UBE2E1: variants seen among roughly 807,000 people sequenced by gnomAD.
UBE2E1 encodes the protein ubiquitin-conjugating enzyme E2 E1.
In UBE2E1, 6 loss-of-function variants were observed where a neutral mutation model predicts 21.4. The ratio of observed to expected loss-of-function variants is 0.28; its 90% CI spans 0.15 to 0.55. The LOEUF (loss-of-function observed/expected upper bound fraction) is 0.55, where lower values mean the gene tolerates loss of function less well. Among genes scored for constraint, UBE2E1 ranks in the 20% least tolerant of loss-of-function variants. UBE2E1 has a pLI of 0.93. For synonymous variants in UBE2E1, 87 were observed against 82.7 expected (o/e 1.05, Z -0.28); for missense variants, 142 against 236.5 (o/e 0.60, Z 2.62).
intron 3 of UBE2E1, among the ~76,000 whole-genome samples, chr3:23,861,316 G>A (rs983822091): frequency 2.6e-5 from 4 of 152,156 alleles, no homozygotes. Context: ...GCTCTAAGTA[G>A]CTTCTTGTTT....
At chr3:23,839,572 C>T (rs920625081) in intron 3 of UBE2E1, among the ~76,000 whole-genome samples, 2 of 151,932 alleles carry the variant, frequency 1.3e-5, no homozygotes, top group Non-Finnish European at 1.5e-5. Flanking sequence ...TTCAGATATT[C>T]ACTCACTGAC....
Position 23,808,857 on chromosome 3 carries a change from G to A in UBE2E1, c.152+1436G>A, listed in dbSNP as rs1347776246. 1 of 152,106 alleles carries A rather than the reference G, an allele frequency of 6.6e-6. No individual in the cohort carries two copies. The highest frequency in any genetic ancestry group is 1.5e-5 in the Non-Finnish European group (1 of 68,028). The allele number at this position is 152,106 out of a possible 1,614,324, so 9.4% of individuals were successfully genotyped here. Reference sequence around the variant, plus strand: ...TCTAGGCTCTCTGATCCTCATTCACGTTTTGGCCTCACGTGCTCAAGCCAG... The same window carrying A: ...TCTAGGCTCTCTGATCCTCATTCACATTTTGGCCTCACGTGCTCAAGCCAG... On this transcript the variant is annotated intron_variant, in intron 2 of 5. Transcript: ENST00000306627. This position sits in a 1 kb window ranked among gnomAD's most constrained non-coding sequence, Gnocchi z 4.9.
chr3:23,848,014 A>G (rs1320708171), intron 3 of UBE2E1, among the ~76,000 whole-genome samples: 16 of 152,170 alleles, frequency 1.1e-4, no homozygotes, highest in Non-Finnish European at 1.5e-5. Context: ...CACAAATGGT[A>G]ACTTGCTGTA....
intron 3 of UBE2E1, among the ~76,000 whole-genome samples, chr3:23,854,603 G>C (rs1048605238): frequency 6.6e-6 from 1 of 152,170 alleles, no homozygotes; most frequent in African/African-American, 2.4e-5. Context: ...AACAGAAAAA[G>C]CCCTAACTAA....
At chr3:23,814,957 G>A (rs1349781661) in intron 3 of UBE2E1, among the ~76,000 whole-genome samples, 4 of 152,136 alleles carry the variant, frequency 2.6e-5, no homozygotes, top group African/African-American at 9.7e-5. Context: ...AACACTTCAA[G>A]CATGGGTGAG....
chr3:23,879,210 A>G, intron 3 of UBE2E1: 1 of 884,018 alleles, frequency 1.1e-6, no homozygotes, highest in Non-Finnish European at 1.7e-6. Flanking sequence ...CACAACAAAT[A>G]CAATGCCATC....
intron 3 of UBE2E1, among the ~76,000 whole-genome samples, chr3:23,840,593 G>A (rs779319231): frequency 3.9e-5 from 6 of 152,160 alleles, no homozygotes; most frequent in Non-Finnish European, 5.9e-5. Flanking sequence ...TGGCCCATAA[G>A]TTACCAGGGT....
chr3:23,824,691 G>T (rs188088341), intron 3 of UBE2E1, among the ~76,000 whole-genome samples: 2 of 152,310 alleles, frequency 1.3e-5, no homozygotes, highest in Non-Finnish European at 2.9e-5. Flanking sequence ...TTGGATCTCA[G>T]TATACCTAAT....
intron 3 of UBE2E1, among the ~76,000 whole-genome samples, chr3:23,882,663 C>T (rs562925852): frequency 1.2e-4 from 19 of 152,302 alleles, no homozygotes; most frequent in African/African-American, 4.1e-4. Context: ...GCAGGCTGCA[C>T]GTCTCAAGCC....
Position 23,858,366 on chromosome 3 carries a change from C to T in UBE2E1, c.204-29201C>T, listed in dbSNP as rs142163194. On this transcript the variant is annotated intron_variant, in intron 3 of 5. Transcript: ENST00000306627. ...ATGGAGTCTCGCTCTGTCATCCAGG[C>T]TGGAGTGCAATGGCATGATCTCGGC... 7.3e-3 allele frequency among the ~76,000 whole-genome samples: 1,114 copies of T among 152,292 alleles called. 15 individuals carry two copies. Among genetic ancestry groups the T allele is most frequent in the African/African-American group, 0.025 (1,041 of 41,554 alleles).
intron 3 of UBE2E1, among the ~76,000 whole-genome samples, chr3:23,868,621 T>C (rs1700708093): frequency 6.6e-6 from 1 of 152,198 alleles, no homozygotes; most frequent in African/African-American, 2.4e-5. Context: ...TTACTTTCTC[T>C]TATTACTTTA....
rs759418034 is a variant in UBE2E1 at position 23,842,246 on chromosome 3, T to TGTGTGTGTGTGTGTGTGTGTGTG, written c.203+30739_203+30740insTGTGTGTGTGTGTGTGTGTGGTG. On this transcript the variant is annotated intron_variant, in intron 3 of 5. Coordinates refer to ENST00000306627, the MANE Select transcript of UBE2E1 (RefSeq NM_003341.5). The surrounding 1 kb of genome is among the most constrained non-coding windows in gnomAD (Gnocchi z 4.6). ...GTGTGTGTGTGTGTGTGTGTGTGTG[T>TGTGTGTGTGTGTGTGTGTGTGTG]GTGGTGTTGTTGTTGTTGGCGACAG... is the stretch of plus-strand genomic sequence containing the variant. Among the ~76,000 whole-genome samples, 2 of 36,758 alleles carry TGTGTGTGTGTGTGTGTGTGTGTG rather than the reference T, an allele frequency of 5.4e-5. No individual in the cohort carries two copies. The highest frequency in any genetic ancestry group is 1.6e-4 in the African/African-American group (2 of 12,756). 24.1% of individuals were successfully genotyped at this position (36,758 alleles called of 152,430 possible). A position where few individuals can be genotyped will look rare whatever the true frequency, so the allele number is the denominator to read the frequency against.
intron 3 of UBE2E1, among the ~76,000 whole-genome samples, chr3:23,831,518 C>T (rs867030410): frequency 2.2e-5 from 3 of 137,194 alleles, no homozygotes; most frequent in Non-Finnish European, 3.1e-5. Flanking sequence ...AAAATGAATA[C>T]TTTTTTTTTT....
At position 23,836,166 on chromosome 3, in the gene UBE2E1, A is replaced by T. The variant is rs776186109; in HGVS notation, c.203+24656A>T. Among the ~76,000 whole-genome samples, 1 of 152,268 alleles carries T rather than the reference A, an allele frequency of 6.6e-6. No homozygotes were observed. Among genetic ancestry groups the T allele is most frequent in the East Asian group, 1.9e-4 (1 of 5,208 alleles). Reference sequence around the variant, plus strand: ...AAACAGCAAGAAGTTAAAGCATTTTAAAAAGCCTTGTGAATAAATCTTTAC... The same window carrying T: ...AAACAGCAAGAAGTTAAAGCATTTTTAAAAGCCTTGTGAATAAATCTTTAC... On this transcript the variant is annotated intron_variant, in intron 3 of 5. Coordinates refer to ENST00000306627, the MANE Select transcript of UBE2E1 (RefSeq NM_003341.5). The surrounding 1 kb of genome is among the most constrained non-coding windows in gnomAD (Gnocchi z 4.1).
intron 3 of UBE2E1, chr3:23,879,535 TTTC>T (rs1700988633): frequency 3.1e-6 from 1 of 326,968 alleles, no homozygotes; most frequent in Non-Finnish European, 6.3e-6. Context: ...ATTGAAATGC[TTTC>T]TTCTTGCTTT....
chr3:23,885,927 T>C (rs145926266), intron 3 of UBE2E1, among the ~76,000 whole-genome samples: 18 of 152,102 alleles, frequency 1.2e-4, no homozygotes, highest in African/African-American at 4.3e-4. Flanking sequence ...AACTTTTTGG[T>C]GGCTTACACT....
chr3:23,886,582 A>G (rs1330350050), intron 3 of UBE2E1, among the ~76,000 whole-genome samples: 1 of 152,230 alleles, frequency 6.6e-6, no homozygotes, highest in Non-Finnish European at 1.5e-5. Context: ...TCAGACCAAA[A>G]GAAAAACCTG....
At chr3:23,814,823 A>G (rs1699479073) in intron 3 of UBE2E1, among the ~76,000 whole-genome samples, 2 of 152,212 alleles carry the variant, frequency 1.3e-5, no homozygotes, top group Admixed American at 1.3e-4. Context: ...TATTTTGCCT[A>G]AGTCCTTTAA....
intron 3 of UBE2E1, among the ~76,000 whole-genome samples, chr3:23,812,529 A>G (rs1187928523): frequency 6.6e-6 from 1 of 152,182 alleles, no homozygotes; most frequent in Non-Finnish European, 1.5e-5. Flanking sequence ...ATACAAAACT[A>G]TTGCCGTTTT....
Sources: allele counts gnomAD v4.1 joint callset (sites outside exome capture counted in the v4.1 genomes callset), GRCh38; gene constraint gnomAD v4.1.1; non-coding constraint Gnocchi (gnomAD v3.1); transcripts MANE v1.5; gene names NCBI Gene and HGNC (gene_info 2026-07-23, HGNC 2026-07-21).